Variants in NCS1 observed in about 807,000 individuals in gnomAD.
NCS1 encodes the protein neuronal calcium sensor 1.
Under a neutral mutation model 28.4 loss-of-function variants are expected in NCS1, and 6 were observed. That is an observed-to-expected ratio of 0.21 (90% confidence interval 0.12 to 0.42). The LOEUF (loss-of-function observed/expected upper bound fraction) is 0.42, where lower values mean the gene tolerates loss of function less well. NCS1 is among the 10% of genes least tolerant of loss of function. The pLI, the probability that NCS1 is intolerant of heterozygous loss-of-function variation, is 1.00. For synonymous variants in NCS1, 86 were observed against 99.3 expected (o/e 0.87, Z 0.79); for missense variants, 131 against 241.4 (o/e 0.54, Z 3.03).
At chr9:130,178,034 T>G (rs989422488) in intron 1 of NCS1, among the ~76,000 whole-genome samples, 40 of 152,320 alleles carry the variant, frequency 2.6e-4, no homozygotes, top group African/African-American at 9.6e-4. Flanking sequence ...TTATTTATAT[T>G]TTTATTTCTA....
intron 1 of NCS1, among the ~76,000 whole-genome samples, chr9:130,193,233 C>T (rs1488284508): frequency 3.9e-5 from 6 of 152,034 alleles, no homozygotes; most frequent in Non-Finnish European, 7.4e-5. Context: ...AACACAGCTG[C>T]GGGGTGCTGT....
At chr9:130,196,744 AAAAAAG>A (rs1351863783) in intron 1 of NCS1, among the ~76,000 whole-genome samples, 4 of 152,124 alleles carry the variant, frequency 2.6e-5, no homozygotes, top group Non-Finnish European at 4.4e-5. Context: ...ACTCCTCAAA[AAAAAAG>A]AAAAAGAAAA....
At chr9:130,187,542 G>T (rs1554905769) in intron 1 of NCS1, among the ~76,000 whole-genome samples, 1 of 152,192 alleles carries the variant, frequency 6.6e-6, no homozygotes, top group Non-Finnish European at 1.5e-5. Flanking sequence ...TGTGGTCCCT[G>T]CAGGAGCCGT....
rs1339017959 is a variant in NCS1, at chr9:130,186,560, T to G, written c.64+13833T>G. On this transcript the variant is annotated intron_variant, in intron 1 of 7. Coordinates refer to ENST00000372398, the MANE Select transcript of NCS1 (RefSeq NM_014286.4). This position sits in a 1 kb window ranked among gnomAD's most constrained non-coding sequence, Gnocchi z 4.1. ...GCTTCAGGCAGCAGGAACAGCATGT[T>G]CCAGGTCAGTCCTCACCTTCCAGGG... Among the ~76,000 whole-genome samples, 1 of 151,982 alleles carries G rather than the reference T, an allele frequency of 6.6e-6. No individual in the cohort carries two copies. Among genetic ancestry groups the G allele is most frequent in the Non-Finnish European group, 1.5e-5 (1 of 68,022 alleles).
chr9:130,180,943 AG>A lies in NCS1; in HGVS notation c.64+8219del, dbSNP rs1478141423. 6.6e-6 allele frequency among the ~76,000 whole-genome samples: 1 copy of A among 152,070 alleles called. No homozygotes were observed. Among genetic ancestry groups the A allele is most frequent in the African/African-American group, 2.4e-5 (1 of 41,408 alleles). On this transcript the variant is annotated intron_variant, in intron 1 of 7. Transcript: ENST00000372398. This position sits in a 1 kb window ranked among gnomAD's most constrained non-coding sequence, Gnocchi z 4.5. The stretch of plus-strand genomic sequence containing the variant: ...TGGCTTGGTGAGTTGGGGAGGGAGA[AG>A]GGTTGTGGCAGGCTGGCTTTTAGGC...
rs1554911383 is a variant in NCS1, at chr9:130,226,418, G to A, written c.504G>A (p.Glu168=). ...KNADGKLTLQ[E]FQEGSKADPS... ...CCGACGGGAAGCTGACCCTGCAGGA[G>A]TTCCAGGAGGGTTCCAAGGCAGACC... The change falls in exon 7 of 8, where the codon GAG becomes GAA. Residue 168 remains glutamate (E), a synonymous_variant. Transcript: ENST00000372398. This position sits in a 1 kb window ranked among gnomAD's most constrained non-coding sequence, Gnocchi z 4.8. 3 of 1,614,068 alleles carry A rather than the reference G, an allele frequency of 1.9e-6. No individual in the cohort carries two copies. The highest frequency in any genetic ancestry group is 2.5e-6 in the Non-Finnish European group (3 of 1,180,026).
intron 1 of NCS1, among the ~76,000 whole-genome samples, chr9:130,195,228 G>T (rs1203736029): frequency 3.9e-5 from 6 of 152,186 alleles, no homozygotes; most frequent in Non-Finnish European, 5.9e-5. Context: ...GGCCTGAAGT[G>T]CTTGCTGGGC....
At chr9:130,174,964 G>A (rs1333869549) in intron 1 of NCS1, among the ~76,000 whole-genome samples, 1 of 152,138 alleles carries the variant, frequency 6.6e-6, no homozygotes, top group Non-Finnish European at 1.5e-5. Context: ...GTTAGGAACT[G>A]GCCCTTGTGG....
chr9:130,181,511 G>T lies in NCS1; in HGVS notation c.64+8784G>T, dbSNP rs201880575. ...AATTCCACCCAGGAGCCCTGTGGGG[G>T]TCCCCTTTTTACAGATGAGGAAATG... On this transcript the variant is annotated intron_variant, in intron 1 of 7. Coordinates refer to ENST00000372398, the MANE Select transcript of NCS1 (RefSeq NM_014286.4). This position sits in a 1 kb window ranked among gnomAD's most constrained non-coding sequence, Gnocchi z 5.0. 6.6e-6 allele frequency among the ~76,000 whole-genome samples: 1 copy of T among 151,106 alleles called. No individual in the cohort carries two copies. The highest frequency in any genetic ancestry group is 1.5e-5 in the Non-Finnish European group (1 of 67,896).
rs1554905618 is a variant in NCS1 at position 130,186,235 on chromosome 9, G to T, written c.64+13508G>T. Among the ~76,000 whole-genome samples the T allele has an allele frequency of 6.6e-6, 1 of 152,202 alleles. No homozygotes were observed. ...GGCTGGCTGGATTTCTGGCCCTGCT[G>T]GCATTCACAGTTTGGCGGGGAGGCA... On this transcript the variant is annotated intron_variant, in intron 1 of 7. Transcript: ENST00000372398. This position sits in a 1 kb window ranked among gnomAD's most constrained non-coding sequence, Gnocchi z 4.1.
At chr9:130,194,562 A>G (rs1832855963) in intron 1 of NCS1, among the ~76,000 whole-genome samples, 3 of 151,216 alleles carry the variant, frequency 2.0e-5, no homozygotes, top group Middle Eastern at 6.8e-3. Flanking sequence ...TTCTCCATCC[A>G]CTCCTCAACA....
intron 4 of NCS1, among the ~76,000 whole-genome samples, chr9:130,221,302 G>T (rs1288423041): frequency 6.7e-6 from 1 of 148,364 alleles, no homozygotes; most frequent in Non-Finnish European, 1.5e-5. Context: ...GGAATTACAG[G>T]TGTGAGCCAC....
In NCS1 at chr9:130,173,016, C is replaced by T. The variant is rs1295738072; in HGVS notation, c.64+289C>T. Among the ~76,000 whole-genome samples the T allele has an allele frequency of 2.0e-5, 3 of 152,146 alleles. No homozygotes were observed. The East Asian group carries it at 5.8e-4, about 29-fold the overall frequency. ...CCCCAGCCCCCTGGCGGCCCCCTCT[C>T]CGCAGAGCTGTCCCAACGGGCAGGG... On this transcript the variant is annotated intron_variant, in intron 1 of 7. Transcript: ENST00000372398.
At position 130,191,988 on chromosome 9, in the gene NCS1, G is replaced by A. The variant is rs186253920; in HGVS notation, c.65-8970G>A. ...GCAGAAGGGCTGGGGAACGCGCGGC[G>A]AGTGGGTCAGGGCGAGGGGCTCCTG... is the stretch of plus-strand genomic sequence containing the variant. On this transcript the variant is annotated intron_variant, in intron 1 of 7. Transcript: ENST00000372398. This position sits in a 1 kb window ranked among gnomAD's most constrained non-coding sequence, Gnocchi z 6.4. 2.5e-3 allele frequency among the ~76,000 whole-genome samples: 382 copies of A among 152,302 alleles called. No individual in the cohort carries two copies. Among genetic ancestry groups the A allele is most frequent in the African/African-American group, 8.9e-3 (370 of 41,568 alleles).
rs1833592053 is a variant in NCS1 at position 130,236,316 on chromosome 9, G to C, written c.*3344G>C. On this transcript the variant is annotated 3_prime_UTR_variant, in exon 8 of 8. Transcript: ENST00000372398. The stretch of plus-strand genomic sequence containing the variant: ...AATTTTAAGGGAGCTAAGGAAGCGC[G>C]GCGCGCCCCCTGGTGGTGGTAAGCC... 6.6e-6 allele frequency: 1 copy of C among 152,142 alleles called. No homozygotes were observed. Among genetic ancestry groups the C allele is most frequent in the South Asian group, 2.1e-4 (1 of 4,830 alleles). The allele number at this position is 152,142 out of a possible 1,614,324, so 9.4% of individuals were successfully genotyped here. A position where few individuals can be genotyped will look rare whatever the true frequency, so the allele number is the denominator to read the frequency against.
chr9:130,174,909 G>A (rs992600538), intron 1 of NCS1, among the ~76,000 whole-genome samples: 6 of 151,900 alleles, frequency 3.9e-5, no homozygotes, highest in South Asian at 2.1e-4. Context: ...CCCCTCCTCC[G>A]GGCAGATCTG....
chr9:130,208,467 C>G (rs182471461), intron 2 of NCS1, among the ~76,000 whole-genome samples: 8 of 151,880 alleles, frequency 5.3e-5, no homozygotes, highest in Non-Finnish European at 8.8e-5. Flanking sequence ...TTAGTAGAGA[C>G]GGGGGTTTCA....
At chr9:130,189,879 A>AAAAAAAAAATATATATAT (rs1554906056) in intron 1 of NCS1, among the ~76,000 whole-genome samples, 1 of 37,748 alleles carries the variant, frequency 2.6e-5, no homozygotes, top group African/African-American at 1.2e-4. Context: ...AAAAAAAAAA[A>AAAAAAAAAATATATATAT]ATATATATAT....
Position 130,175,086 on chromosome 9 carries a change from G to T in NCS1, c.64+2359G>T, listed in dbSNP as rs936798410. Among the ~76,000 whole-genome samples, 1 of 152,112 alleles carries T rather than the reference G, an allele frequency of 6.6e-6. No homozygotes were observed. The highest frequency in any genetic ancestry group is 1.5e-5 in the Non-Finnish European group (1 of 68,028). On this transcript the variant is annotated intron_variant, in intron 1 of 7. Coordinates refer to ENST00000372398, the MANE Select transcript of NCS1 (RefSeq NM_014286.4). The surrounding 1 kb of genome is among the most constrained non-coding windows in gnomAD (Gnocchi z 4.9). ...TCGAAGCCCTTATTAGGGGTGGGCC[G>T]TTGGAGGTGGCGGTGGGTTCATTGG...
Sources: allele counts gnomAD v4.1 joint callset (sites outside exome capture counted in the v4.1 genomes callset), GRCh38; gene constraint gnomAD v4.1.1; non-coding constraint Gnocchi (gnomAD v3.1); transcripts MANE v1.5; gene names NCBI Gene and HGNC (gene_info 2026-07-23, HGNC 2026-07-21).